Variants in NEBL observed in about 807,000 individuals in gnomAD.
NEBL encodes the protein LIM and SH3 protein 2.
In NEBL, 122 loss-of-function variants were observed where a neutral mutation model predicts 140.2. That is an observed-to-expected ratio of 0.87 (90% CI 0.75 to 1.01). The LOEUF (loss-of-function observed/expected upper bound fraction) is 1.01, where lower values mean the gene tolerates loss of function less well. NEBL is among the 50% of genes least tolerant of loss of function. The probability of loss-of-function intolerance (pLI) is 0.00; values close to 1 mark genes in which losing one functional copy is unlikely to be tolerated. For synonymous variants in NEBL, 436 were observed against 398.9 expected (o/e 1.09, Z -1.11); for missense variants, 1,365 against 1,231.3 (o/e 1.11, Z -1.62).
chr10:21,242,492 C>CTACCT (rs1163437911), intron 3 of NEBL, among the ~76,000 whole-genome samples: 1 of 152,122 alleles, frequency 6.6e-6, no homozygotes, highest in Non-Finnish European at 1.5e-5. Flanking sequence ...GACTGAAAAA[C>CTACCT]TACCTATCAG....
chr10:21,227,880 C>A (rs1030668801), intron 3 of NEBL, among the ~76,000 whole-genome samples: 2 of 150,636 alleles, frequency 1.3e-5, no homozygotes, highest in Non-Finnish European at 1.5e-5. Context: ...TCTCAGGATA[C>A]CTTGAGAAAG....
At chr10:20,977,684 CTG>C (rs1836861675) in intron 3 of NEBL, among the ~76,000 whole-genome samples, 2 of 152,188 alleles carry the variant, frequency 1.3e-5, no homozygotes, top group African/African-American at 4.8e-5. Context: ...TGAAAAAAAA[CTG>C]TGAAATCAGT....
At chr10:21,012,490 G>C (rs1838379005) in intron 3 of NEBL, among the ~76,000 whole-genome samples, 1 of 152,032 alleles carries the variant, frequency 6.6e-6, no homozygotes. Context: ...CTCCTAAGTA[G>C]CTGGGGCTAC....
intron 3 of NEBL, among the ~76,000 whole-genome samples, chr10:21,009,889 T>C (rs985828225): frequency 1.3e-5 from 2 of 152,196 alleles, no homozygotes; most frequent in African/African-American, 4.8e-5. Context: ...TAAGCACACA[T>C]ATATGTACTT....
intron 3 of NEBL, among the ~76,000 whole-genome samples, chr10:21,000,110 G>A: frequency 6.7e-6 from 1 of 149,500 alleles, no homozygotes; most frequent in Admixed American, 6.7e-5. Flanking sequence ...CATCTTCGGT[G>A]AATCTAGTGA....
At chr10:20,816,486 G>A (rs920492074) in intron 21 of NEBL, among the ~76,000 whole-genome samples, 1 of 152,096 alleles carries the variant, frequency 6.6e-6, no homozygotes, top group East Asian at 1.9e-4. Flanking sequence ...TCCTTTTTGA[G>A]AATAATGGAG....
intron 1 of NEBL, among the ~76,000 whole-genome samples, chr10:21,291,862 C>T (rs889390640): frequency 6.6e-6 from 1 of 152,052 alleles, no homozygotes; most frequent in Admixed American, 6.6e-5. Context: ...GCTGAGATCA[C>T]GCCACTGCAC....
At chr10:21,184,174 C>T (rs1024991120) in intron 3 of NEBL, among the ~76,000 whole-genome samples, 6 of 152,202 alleles carry the variant, frequency 3.9e-5, no homozygotes, top group East Asian at 1.9e-4. Context: ...TAGTAGTCCA[C>T]GTGACTATTA....
intron 3 of NEBL, among the ~76,000 whole-genome samples, chr10:21,195,311 A>T (rs186146419): frequency 1.3e-5 from 2 of 152,302 alleles, no homozygotes; most frequent in East Asian, 3.9e-4. Flanking sequence ...AGGAGGAAAT[A>T]CACCTAGCTC....
chr10:21,017,882 G>C (rs1012137663), intron 3 of NEBL, among the ~76,000 whole-genome samples: 1 of 151,300 alleles, frequency 6.6e-6, no homozygotes, highest in Non-Finnish European at 1.5e-5. Flanking sequence ...AGAGTACAGT[G>C]GCACGATCTC....
intron 2 of NEBL, chr10:21,126,090 G>T: frequency 6.2e-7 from 1 of 1,613,500 alleles, no homozygotes; most frequent in Non-Finnish European, 8.5e-7. Context: ...GAGGCCTCAG[G>T]CCCTTCTCGG....
At chr10:21,119,865 C>T (rs1838450754) in intron 2 of NEBL, among the ~76,000 whole-genome samples, 1 of 152,082 alleles carries the variant, frequency 6.6e-6, no homozygotes, top group African/African-American at 2.4e-5. Flanking sequence ...GATGTCATAT[C>T]TCTTCAATCT....
At chr10:21,024,404 C>T (rs1407628658) in intron 2 of NEBL, among the ~76,000 whole-genome samples, 1 of 151,782 alleles carries the variant, frequency 6.6e-6, no homozygotes. Flanking sequence ...GGAATTTATA[C>T]CTGAAACTAC....
At chr10:21,207,058 C>G (rs775208305) in intron 3 of NEBL, among the ~76,000 whole-genome samples, 1 of 144,802 alleles carries the variant, frequency 6.9e-6, no homozygotes, top group Non-Finnish European at 1.5e-5. Flanking sequence ...ACTGCAACCT[C>G]TGCCTCCCAG....
At chr10:20,794,918 A>G (rs903336272) in intron 26 of NEBL, among the ~76,000 whole-genome samples, 2 of 152,200 alleles carry the variant, frequency 1.3e-5, no homozygotes, top group African/African-American at 2.4e-5. Flanking sequence ...TGTCACCACA[A>G]TCTTCTTTTC....
intron 1 of NEBL, among the ~76,000 whole-genome samples, chr10:21,172,809 T>C (rs1241211928): frequency 6.6e-6 from 1 of 152,148 alleles, no homozygotes; most frequent in Non-Finnish European, 1.5e-5. Context: ...AGAGAGTGGC[T>C]TCGAAACCAA....
chr10:20,784,915 G>C lies in NEBL; in HGVS notation c.*832C>G, dbSNP rs1240119476. The C allele has an allele frequency of 6.6e-6, 1 of 152,470 alleles. No homozygotes were observed. The highest frequency in any genetic ancestry group is 6.6e-5 in the Admixed American group (1 of 15,266). 9.4% of individuals were successfully genotyped at this position (152,470 alleles called of 1,614,324 possible). On this transcript the variant is annotated 3_prime_UTR_variant, in exon 28 of 28. Transcript: ENST00000377122. ...CTTTTAGGTATCAGTCACCCTTTTT[G>C]CTTCAATAATAGGAACGCGCAGTGC...
chr10:20,941,983 G>C (rs558585808), intron 4 of NEBL, among the ~76,000 whole-genome samples: 13 of 152,304 alleles, frequency 8.5e-5, no homozygotes, highest in African/African-American at 3.1e-4. Flanking sequence ...TGGGTAGGAA[G>C]AATCAATATT....
intron 4 of NEBL, among the ~76,000 whole-genome samples, chr10:20,920,878 TAC>T (rs1833549305): frequency 6.6e-6 from 1 of 152,240 alleles, no homozygotes; most frequent in African/African-American, 2.4e-5. Flanking sequence ...GAACTAATTA[TAC>T]ACACACATTT....
Sources: gnomAD v4.1 joint callset for allele counts (sites outside exome capture counted in the v4.1 genomes callset) on GRCh38, gnomAD v4.1.1 for gene constraint, MANE v1.5 for transcripts, NCBI Gene and HGNC (gene_info 2026-07-23, HGNC 2026-07-21) for gene names.